The following RIT1 variants were observed in gnomAD, a reference collection of about 807,000 sequenced individuals.
RIT1 encodes the protein GTP-binding protein Rit1.
A neutral mutation model predicts 25.6 loss-of-function variants in RIT1; 6 were observed. The observed-to-expected ratio is 0.23, with a 90% CI of 0.13 to 0.46. RIT1 has a LOEUF of 0.46. Ranked by LOEUF, RIT1 falls within the 20% of genes least tolerant of loss-of-function variation. RIT1 has a pLI of 0.99. For synonymous variants in RIT1, 81 were observed against 94.1 expected (o/e 0.86, Z 0.80); for missense variants, 219 against 284.4 (o/e 0.77, Z 1.65).
At chr1:155,910,964 C>T in intron 1 of RIT1, 160 bp from the exon 2 acceptor site, 1 of 1,402,596 alleles carries the variant, frequency 7.1e-7, no homozygotes, top group Non-Finnish European at 9.4e-7. Flanking sequence ...CCCTAAGAAA[C>T]CCCCCCATCT....
chr1:155,902,132 CAT>C (rs1673323593), intron 5 of RIT1, among the ~76,000 whole-genome samples: 1 of 152,046 alleles, frequency 6.6e-6, no homozygotes. Context: ...AAAAAACAAA[CAT>C]GTTACAGTGT....
chr1:155,910,857 G>A (rs771703451), intron 1 of RIT1, 53 bp from the exon 2 acceptor site: 60 of 1,593,738 alleles, frequency 3.8e-5, no homozygotes, highest in Admixed American at 5.5e-5. Context: ...CACGGCGACA[G>A]CCCTCAAGCC....
chr1:155,911,301 G>A lies in RIT1; in HGVS notation c.-102C>T, dbSNP rs1452945523. On this transcript the variant is annotated 5_prime_UTR_variant, in exon 1 of 6. Coordinates refer to ENST00000368323, the MANE Select transcript of RIT1 (RefSeq NM_006912.6). ...CAGTGGGGACTGGAACACCACAGCC[G>A]GTCGGGTCACGCACTTCGTCTTCCT... The A allele has an allele frequency of 4.8e-6, 1 of 206,524 alleles. No individual in the cohort carries two copies. The highest frequency in any genetic ancestry group is 9.8e-6 in the Non-Finnish European group (1 of 101,766). 12.8% of individuals were successfully genotyped at this position (206,524 alleles called of 1,614,324 possible).
At position 155,898,606 on chromosome 1, in the gene RIT1, TA is replaced by T; in HGVS notation, c.*1781del. On this transcript the variant is annotated 3_prime_UTR_variant, in exon 6 of 6. Coordinates refer to ENST00000368323, the MANE Select transcript of RIT1 (RefSeq NM_006912.6). ...AATAAGAAGCTATGGGCTTTAAACT[TA>T]AAAGGTGCTAAACCAGTTTAAATGT... 1 of 166,060 alleles carries T rather than the reference TA, an allele frequency of 6.0e-6. No individual in the cohort carries two copies. Among genetic ancestry groups the T allele is most frequent in the East Asian group, 1.0e-4 (1 of 9,558 alleles). The allele number at this position is 166,060 out of a possible 1,614,324, so 10.3% of individuals were successfully genotyped here. A position where few individuals can be genotyped will look rare whatever the true frequency, so the allele number is the denominator to read the frequency against.
intron 3 of RIT1, among the ~76,000 whole-genome samples, chr1:155,905,200 C>CTT (rs920443067): frequency 1.4e-5 from 2 of 146,000 alleles, no homozygotes; most frequent in East Asian, 2.0e-4. Context: ...AACAGCTCAT[C>CTT]TTTTTTTTTT....
chr1:155,910,393 T>C (rs894799247), intron 3 of RIT1, 57 bp downstream of exon 3: 1 of 1,383,688 alleles, frequency 7.2e-7, no homozygotes, highest in African/African-American at 1.4e-5. Context: ...ACTACTGATA[T>C]TCATTAAGAT....
intron 3 of RIT1, among the ~76,000 whole-genome samples, chr1:155,907,212 T>C (rs1673462957): frequency 1.3e-5 from 2 of 151,786 alleles, no homozygotes; most frequent in South Asian, 4.1e-4. Flanking sequence ...GTATATAATT[T>C]ATATATACAT....
chr1:155,909,763 A>C (rs1363966737), intron 3 of RIT1, among the ~76,000 whole-genome samples: 4 of 151,618 alleles, frequency 2.6e-5, no homozygotes, highest in African/African-American at 9.7e-5. Context: ...CTCTACTAAA[A>C]ATACAAAAAT....
chr1:155,902,552 C>CA (rs1571992666), intron 5 of RIT1, among the ~76,000 whole-genome samples: 1 of 148,928 alleles, frequency 6.7e-6, no homozygotes, highest in African/African-American at 2.5e-5. Context: ...CAACACAAAA[C>CA]AAAAAAACGC....
intron 3 of RIT1, among the ~76,000 whole-genome samples, chr1:155,906,822 G>A (rs3856261): frequency 0.36 from 53,981 of 150,910 alleles, 12,490 homozygotes; most frequent in Non-Finnish European, 0.52. Flanking sequence ...TACCAGAGTG[G>A]GTGAGGTACA....
At chr1:155,903,945 G>C (rs1673372909) in intron 5 of RIT1, among the ~76,000 whole-genome samples, 1 of 152,186 alleles carries the variant, frequency 6.6e-6, no homozygotes, top group Non-Finnish European at 1.5e-5. Context: ...GGGAGGTAGA[G>C]GCTGCAGTAA....
intron 3 of RIT1, among the ~76,000 whole-genome samples, chr1:155,906,639 T>C (rs1199680443): frequency 6.6e-6 from 1 of 151,124 alleles, no homozygotes; most frequent in Non-Finnish European, 1.5e-5. Context: ...CAGGCGCCTG[T>C]AATCCCAGCT....
intron 5 of RIT1, 135 bp downstream of exon 5, chr1:155,904,176 T>G (rs1571994027): frequency 1.5e-6 from 1 of 663,534 alleles, no homozygotes; most frequent in East Asian, 2.7e-5. Flanking sequence ...AGTACTGGTG[T>G]GAGCCACCTC....
In RIT1 at chr1:155,905,002, A is replaced by C. The variant is rs568146920; in HGVS notation, c.164-198T>G. On this transcript the variant is annotated intron_variant, in intron 3 of 5. Coordinates refer to ENST00000368323, the MANE Select transcript of RIT1 (RefSeq NM_006912.6). ...TTTTTTTCCACATAGGTGATGATGT[A>C]GTTTATTCACAGCTGAAGATTTCAC... is the stretch of plus-strand genomic sequence containing the variant. 2.6e-5 allele frequency among the ~76,000 whole-genome samples: 4 copies of C among 152,324 alleles called. No homozygotes were observed. In the South Asian group the frequency reaches 8.3e-4, roughly 32 times the overall value.
intron 3 of RIT1, among the ~76,000 whole-genome samples, chr1:155,906,777 A>G (rs1353786566): frequency 7.2e-6 from 1 of 139,318 alleles, no homozygotes; most frequent in African/African-American, 2.5e-5. Context: ...AAAAAAAAAA[A>G]AAAAAAAGAA....
intron 5 of RIT1, among the ~76,000 whole-genome samples, 197 bp downstream of exon 5, chr1:155,904,114 G>A (rs1312974884): frequency 6.6e-6 from 1 of 152,190 alleles, no homozygotes; most frequent in Non-Finnish European, 1.5e-5. Flanking sequence ...ATGTTGCTCA[G>A]GCTGGTCTCA....
intron 4 of RIT1, 91 bp from the exon 5 acceptor site, chr1:155,904,593 T>C: frequency 7.7e-7 from 1 of 1,305,088 alleles, no homozygotes; most frequent in Non-Finnish European, 1.1e-6. Context: ...AGAAAACGCA[T>C]GTCGATTACC....
chr1:155,906,956 A>G (rs984987565), intron 3 of RIT1, among the ~76,000 whole-genome samples: 6 of 151,562 alleles, frequency 4.0e-5, no homozygotes, highest in Admixed American at 3.3e-4. Flanking sequence ...AAATCCAAAA[A>G]TATTAGCTGG....
rs1205252236 is a variant in RIT1 at position 155,898,351 on chromosome 1, A to AC, written c.*2036dup. ...CTGGCAATGTTTCTACTGCCTGACT[A>AC]CCTTAAATAACTATATAGTGTCAAT... is the stretch of plus-strand genomic sequence containing the variant. On this transcript the variant is annotated 3_prime_UTR_variant, in exon 6 of 6. Coordinates refer to ENST00000368323, the MANE Select transcript of RIT1 (RefSeq NM_006912.6). 1.3e-5 allele frequency: 2 copies of AC among 151,662 alleles called. No individual in the cohort carries two copies. Among genetic ancestry groups the AC allele is most frequent in the Non-Finnish European group, 2.9e-5 (2 of 67,890 alleles). 9.4% of individuals were successfully genotyped at this position (151,662 alleles called of 1,614,324 possible). A position where few individuals can be genotyped will look rare whatever the true frequency, so the allele number is the denominator to read the frequency against.
Sources: allele counts gnomAD v4.1 joint callset (sites outside exome capture counted in the v4.1 genomes callset), GRCh38; gene constraint gnomAD v4.1.1; transcripts MANE v1.5; gene names NCBI Gene and HGNC (gene_info 2026-07-23, HGNC 2026-07-21).